VDR: variants seen among roughly 807,000 people sequenced by gnomAD.
The protein encoded by VDR is vitamin D3 receptor.
A neutral mutation model predicts 39.7 loss-of-function variants in VDR; 19 were observed. The ratio of observed to expected loss-of-function variants is 0.48; its 90% CI spans 0.33 to 0.70. VDR has a LOEUF of 0.70. Among genes scored for constraint, VDR ranks in the 30% least tolerant of loss-of-function variants. VDR has a pLI of 0.02. For synonymous variants in VDR, 242 were observed against 215.8 expected (o/e 1.12, Z -1.07); for missense variants, 442 against 570.5 (o/e 0.77, Z 2.29).
chr12:47,893,228 T>C (rs562779013), intron 1 of VDR, among the ~76,000 whole-genome samples: 5 of 152,186 alleles, frequency 3.3e-5, no homozygotes, highest in Non-Finnish European at 7.4e-5. Context: ...CATTCCAACC[T>C]GAATCCACCT....
intron 3 of VDR, among the ~76,000 whole-genome samples, chr12:47,873,952 T>C (rs185065538): frequency 6.6e-6 from 1 of 152,306 alleles, no homozygotes; most frequent in Admixed American, 6.5e-5. Context: ...TGGCCCTGTA[T>C]AACCCAAGCA....
chr12:47,880,367 T>C (rs923479734), intron 2 of VDR, among the ~76,000 whole-genome samples: 4 of 152,130 alleles, frequency 2.6e-5, no homozygotes, highest in African/African-American at 9.7e-5. Flanking sequence ...GTGTGGAATA[T>C]CAAAGCTCAT....
intron 7 of VDR, among the ~76,000 whole-genome samples, chr12:47,855,082 C>A (rs1453216681): frequency 6.6e-6 from 1 of 152,224 alleles, no homozygotes; most frequent in African/African-American, 2.4e-5. Context: ...GTAATCCCAG[C>A]ACTTTGGGAG....
chr12:47,882,006 G>T lies in VDR; in HGVS notation c.-3+688C>A, dbSNP rs942338284. Among the ~76,000 whole-genome samples the T allele has an allele frequency of 4.6e-5, 7 of 152,270 alleles. No individual in the cohort carries two copies. In the East Asian group the frequency reaches 1.3e-3, roughly 29 times the overall value. On this transcript the variant is annotated intron_variant, in intron 2 of 9. Transcript: ENST00000549336. ...CGTGGAAAACAGAGAAATCAAATGG[G>T]GGGTAGGAAGGAATATCTGTTAAAT... is the stretch of plus-strand genomic sequence containing the variant.
At position 47,865,252 on chromosome 12, in the gene VDR, C is replaced by A. The variant is rs1945706758; in HGVS notation, c.147-75G>T. 17 of 1,592,054 alleles carry A rather than the reference C, an allele frequency of 1.1e-5. No homozygotes were observed. In the South Asian group the frequency reaches 1.9e-4, roughly 18 times the overall value. On this transcript the variant is annotated intron_variant, in intron 3 of 9. Transcript: ENST00000549336. ...TCACCCTGTCATCACGGAGACCTGT[C>A]TTCTGGGCCCCCTGGTCTCCATTTC... is the stretch of plus-strand genomic sequence containing the variant.
chr12:47,851,700 C>T (rs1945390681), intron 7 of VDR, among the ~76,000 whole-genome samples: 1 of 152,240 alleles, frequency 6.6e-6, no homozygotes, highest in African/African-American at 2.4e-5. Flanking sequence ...TCAGCATCAC[C>T]TCTGTCCAGT....
chr12:47,888,649 T>C (rs1270982596), intron 1 of VDR, among the ~76,000 whole-genome samples: 2 of 152,152 alleles, frequency 1.3e-5, no homozygotes, highest in Admixed American at 6.5e-5. Flanking sequence ...CGGTGACGCA[T>C]AGGGGACTGG....
intron 4 of VDR, among the ~76,000 whole-genome samples, chr12:47,862,109 T>A (rs891285062): frequency 6.6e-6 from 1 of 152,222 alleles, no homozygotes; most frequent in African/African-American, 2.4e-5. Context: ...TGTAAAAACA[T>A]CAAACAAGTT....
At chr12:47,862,111 A>G (rs1414169111) in intron 4 of VDR, among the ~76,000 whole-genome samples, 1 of 152,264 alleles carries the variant, frequency 6.6e-6, no homozygotes, top group Admixed American at 6.5e-5. Context: ...TAAAAACATC[A>G]AACAAGTTAC....
chr12:47,883,265 G>T (rs1350835279), intron 1 of VDR, among the ~76,000 whole-genome samples: 1 of 152,226 alleles, frequency 6.6e-6, no homozygotes, highest in Non-Finnish European at 1.5e-5. Context: ...CCGCACAGGA[G>T]CTGGGAATGG....
intron 1 of VDR, among the ~76,000 whole-genome samples, chr12:47,902,962 T>A (rs970978216): frequency 6.6e-6 from 1 of 152,072 alleles, no homozygotes; most frequent in African/African-American, 2.4e-5. Flanking sequence ...CCTCTGGGGC[T>A]TAGTTACAAA....
intron 7 of VDR, among the ~76,000 whole-genome samples, chr12:47,853,375 G>A (rs1396416649): frequency 2.6e-5 from 4 of 151,014 alleles, no homozygotes; most frequent in African/African-American, 7.3e-5. Flanking sequence ...CCCGGGAGGC[G>A]GAGCTTGCAG....
chr12:47,883,642 C>T (rs547058532), intron 1 of VDR, among the ~76,000 whole-genome samples: 1 of 152,326 alleles, frequency 6.6e-6, no homozygotes, highest in East Asian at 1.9e-4. Flanking sequence ...CACAAACACA[C>T]AAACACACAC....
chr12:47,894,672 C>T (rs956799812), intron 1 of VDR, among the ~76,000 whole-genome samples: 4 of 152,184 alleles, frequency 2.6e-5, no homozygotes, highest in African/African-American at 7.2e-5. Flanking sequence ...AAAATAATTC[C>T]CCCAGTGAGT....
At chr12:47,899,907 C>T in intron 1 of VDR, 1 of 985,608 alleles carries the variant, frequency 1.0e-6, no homozygotes, top group Non-Finnish European at 1.2e-6. Context: ...ATGAGGCTAT[C>T]AGAGGAGGCT....
intron 1 of VDR, among the ~76,000 whole-genome samples, chr12:47,891,245 A>C (rs1036488286): frequency 6.6e-6 from 1 of 152,162 alleles, no homozygotes; most frequent in African/African-American, 2.4e-5. Context: ...CTTATCTACA[A>C]ACAGGGACAT....
intron 1 of VDR, chr12:47,904,520 TGACCATACCTGGGCCCTGTA>T (rs1946633033): frequency 7.3e-7 from 1 of 1,373,934 alleles, no homozygotes; most frequent in South Asian, 1.4e-5. Context: ...CCATCACAGG[TGACCATACCTGGGCCCTGTA>T]AGACAATAAA....
rs1293573340 is a variant in VDR, at chr12:47,885,856, AAAG to A, written c.-83-3085_-83-3083del. On this transcript the variant is annotated intron_variant, in intron 1 of 9. Coordinates refer to ENST00000549336, the MANE Select transcript of VDR (RefSeq NM_000376.3). ...GGTTACAGGTGTGAGCCACGCCAGG[AAAG>A]AAGACCTTAAATGAGATGAAGCTTT... is the stretch of plus-strand genomic sequence containing the variant. 3.6e-4 allele frequency among the ~76,000 whole-genome samples: 55 copies of A among 152,310 alleles called. 1 individual carries two copies. Among genetic ancestry groups the A allele is most frequent in the Admixed American group, 3.3e-3 (50 of 15,304 alleles).
At position 47,897,148 on chromosome 12, in the gene VDR, A is replaced by G. The variant is rs191147194; in HGVS notation, c.-84+7807T>C. ...CAAGGAATTTAGCCTCTTAATCTCT[A>G]TGAACCTTGGTTTCCTCTTCTATAA... is the stretch of plus-strand genomic sequence containing the variant. On this transcript the variant is annotated intron_variant, in intron 1 of 9. Transcript: ENST00000549336. 5.3e-5 allele frequency: 8 copies of G among 152,332 alleles called. No homozygotes were observed. In the East Asian group the frequency reaches 1.5e-3, roughly 29 times the overall value. 9.4% of individuals were successfully genotyped at this position (152,332 alleles called of 1,614,324 possible). A position where few individuals can be genotyped will look rare whatever the true frequency, so the allele number is the denominator to read the frequency against.
Sources: allele counts gnomAD v4.1 joint callset (sites outside exome capture counted in the v4.1 genomes callset), GRCh38; gene constraint gnomAD v4.1.1; transcripts MANE v1.5; gene names NCBI Gene and HGNC (gene_info 2026-07-23, HGNC 2026-07-21).